CDH13: variants seen among roughly 807,000 people sequenced by gnomAD.
CDH13 encodes cadherin-13.
CDH13 carries 24 observed loss-of-function variants against 63.8 expected under a neutral mutation model. The ratio of observed to expected loss-of-function variants is 0.38; its 90% CI spans 0.27 to 0.53. The LOEUF (loss-of-function observed/expected upper bound fraction) is 0.53. Ranked by LOEUF, CDH13 falls within the 20% of genes least tolerant of loss-of-function variation. The pLI is 0.85. For missense variants in CDH13, 1,049 were observed against 903.1 expected, an observed-to-expected ratio of 1.16 and a Z score of -2.07; for synonymous variants, 503 against 355.3, an observed-to-expected ratio of 1.42 and a Z score of -4.67.
At chr16:82,863,404 C>A (rs1318987882) in intron 2 of CDH13, among the ~76,000 whole-genome samples, 2 of 152,188 alleles carry the variant, frequency 1.3e-5, no homozygotes, top group Non-Finnish European at 2.9e-5. Flanking sequence ...ACTCCAGTTG[C>A]TTCCTCCAAT....
At chr16:83,344,752 C>T (rs1025397922) in intron 5 of CDH13, 110 bp from the exon 6 acceptor site, 3 of 1,183,056 alleles carry the variant, frequency 2.5e-6, no homozygotes, top group Non-Finnish European at 3.6e-6. Flanking sequence ...TTCAATATTG[C>T]CAAGGGCTCA....
chr16:82,676,452 A>G (rs1913911008), intron 1 of CDH13, among the ~76,000 whole-genome samples: 1 of 137,730 alleles, frequency 7.3e-6, no homozygotes, highest in Non-Finnish European at 1.6e-5. Context: ...CTCCCTCTCC[A>G]TTGCCAGTAT....
At chr16:83,510,078 A>T (rs879678460) in intron 7 of CDH13, among the ~76,000 whole-genome samples, 2 of 152,228 alleles carry the variant, frequency 1.3e-5, no homozygotes, top group Non-Finnish European at 2.9e-5. Context: ...GACTCAGCCC[A>T]GTAGCCCTGT....
intron 5 of CDH13, among the ~76,000 whole-genome samples, chr16:83,288,992 A>G (rs1042192513): frequency 2.6e-4 from 40 of 152,210 alleles, no homozygotes; most frequent in Admixed American, 1.3e-4. Context: ...CCTGCTCGCT[A>G]CAGTTCCCGT....
At chr16:82,868,753 A>C (rs2040242162) in intron 2 of CDH13, among the ~76,000 whole-genome samples, 1 of 152,230 alleles carries the variant, frequency 6.6e-6, no homozygotes, top group Non-Finnish European at 1.5e-5. Context: ...GGTGTTTGAT[A>C]AAAGGAATTT....
intron 5 of CDH13, among the ~76,000 whole-genome samples, chr16:83,257,566 T>G (rs968517465): frequency 6.6e-6 from 1 of 152,184 alleles, no homozygotes; most frequent in Non-Finnish European, 1.5e-5. Flanking sequence ...AAAACTCCAG[T>G]GAGGCTGCAC....
chr16:82,683,160 G>T (rs993914976), intron 1 of CDH13, among the ~76,000 whole-genome samples: 1 of 152,180 alleles, frequency 6.6e-6, no homozygotes, highest in Admixed American at 6.5e-5. Flanking sequence ...TAGATCAGAA[G>T]ATGTCGCCCT....
chr16:83,130,535 A>G (rs1417112481), intron 4 of CDH13, among the ~76,000 whole-genome samples: 1 of 152,246 alleles, frequency 6.6e-6, no homozygotes, highest in Non-Finnish European at 1.5e-5. Context: ...CAATAGATCG[A>G]TATCTGATAT....
chr16:83,162,193 C>T (rs78530666), intron 4 of CDH13, among the ~76,000 whole-genome samples: 17,999 of 152,150 alleles, frequency 0.12, 1,058 homozygotes, highest in South Asian at 0.17. Context: ...GAAACATTCA[C>T]GTGTTCCATC....
At chr16:82,772,430 G>C (rs556029602) in intron 1 of CDH13, among the ~76,000 whole-genome samples, 1 of 152,114 alleles carries the variant, frequency 6.6e-6, no homozygotes, top group Non-Finnish European at 1.5e-5. Flanking sequence ...ACCTGCCCCT[G>C]CCCACACAGG....
At chr16:83,403,490 G>A (rs570515048) in intron 6 of CDH13, among the ~76,000 whole-genome samples, 35 of 152,166 alleles carry the variant, frequency 2.3e-4, no homozygotes, top group Admixed American at 8.5e-4. Context: ...AGGTGTGGTC[G>A]CGCGCGCCTG....
chr16:83,117,947 A>G (rs939344030), intron 3 of CDH13, among the ~76,000 whole-genome samples: 3 of 152,332 alleles, frequency 2.0e-5, no homozygotes, highest in East Asian at 3.9e-4. Context: ...CAAATGCCCT[A>G]AGACAGGAAG....
intron 2 of CDH13, among the ~76,000 whole-genome samples, chr16:82,962,828 GA>G (rs1342122819): frequency 6.6e-6 from 1 of 152,134 alleles, no homozygotes; most frequent in Non-Finnish European, 1.5e-5. Context: ...GTGTGAAATA[GA>G]AACAAACTTA....
At chr16:83,500,120 T>G (rs1269437114) in intron 7 of CDH13, among the ~76,000 whole-genome samples, 1 of 151,642 alleles carries the variant, frequency 6.6e-6, no homozygotes, top group African/African-American at 2.4e-5. Flanking sequence ...GTTAATCATT[T>G]TAAAAAGCAG....
At chr16:82,653,684 A>G (rs1238111695) in intron 1 of CDH13, among the ~76,000 whole-genome samples, 1 of 152,148 alleles carries the variant, frequency 6.6e-6, no homozygotes, top group Non-Finnish European at 1.5e-5. Flanking sequence ...CACGATGTGC[A>G]TGTCATGTTG....
chr16:83,555,881 T>C (rs1285097803), intron 7 of CDH13, among the ~76,000 whole-genome samples: 1 of 152,182 alleles, frequency 6.6e-6, no homozygotes, highest in Non-Finnish European at 1.5e-5. Flanking sequence ...TGCAAGAGTA[T>C]TCCGTTCTGT....
chr16:83,312,141 T>C (rs569818119), intron 5 of CDH13, among the ~76,000 whole-genome samples: 3 of 151,602 alleles, frequency 2.0e-5, no homozygotes, highest in Non-Finnish European at 4.4e-5. Context: ...GTATTACAAG[T>C]TCTTTTTCAT....
intron 7 of CDH13, among the ~76,000 whole-genome samples, chr16:83,559,849 G>C (rs1479168838): frequency 6.6e-6 from 1 of 152,056 alleles, no homozygotes; most frequent in Non-Finnish European, 1.5e-5. Context: ...TTTCGTGCCT[G>C]CCCAAATTCT....
chr16:83,270,192 G>T (rs1008625200), intron 5 of CDH13, among the ~76,000 whole-genome samples: 2 of 152,148 alleles, frequency 1.3e-5, no homozygotes, highest in African/African-American at 4.8e-5. Flanking sequence ...AGCCCAAAAA[G>T]GGGGCAGCTT....
Sources: allele counts gnomAD v4.1 joint callset (sites outside exome capture counted in the v4.1 genomes callset), GRCh38; gene constraint gnomAD v4.1.1; transcripts MANE v1.5; gene names NCBI Gene and HGNC (gene_info 2026-07-23, HGNC 2026-07-21).